Variants in FBXW11 observed in about 807,000 individuals in gnomAD.
FBXW11 encodes the protein F-box and WD repeat domain containing 11.
In FBXW11, 19 loss-of-function variants were observed where a neutral mutation model predicts 77.6. That is an observed-to-expected ratio of 0.24 (90% CI 0.17 to 0.36). The LOEUF is 0.36. Among genes scored for constraint, FBXW11 ranks in the 10% least tolerant of loss-of-function variants. FBXW11 has a pLI of 1.00. For synonymous variants in FBXW11, 235 were observed against 249.4 expected, an observed-to-expected ratio of 0.94 and a Z score of 0.54; for missense variants, 334 against 704.2, an observed-to-expected ratio of 0.47 and a Z score of 5.95.
In FBXW11 at chr5:171,863,025, A is replaced by G. The variant is rs1453109786; in HGVS notation, c.*1102T>C. 3 of 152,334 alleles carry G rather than the reference A, an allele frequency of 2.0e-5. No homozygotes were observed. The highest frequency in any genetic ancestry group is 4.4e-5 in the Non-Finnish European group (3 of 68,046). 9.4% of individuals were successfully genotyped at this position (152,334 alleles called of 1,614,324 possible). ...CTCAGGAGTACTTATGAGAAAAAGAATAAGAACAAAAAATGTTTAAGGTAC... is the reference window on the plus strand; with the variant it reads ...CTCAGGAGTACTTATGAGAAAAAGAGTAAGAACAAAAAATGTTTAAGGTAC... On this transcript the variant is annotated 3_prime_UTR_variant, in exon 14 of 14. Transcript: ENST00000517395.
At chr5:171,897,511 T>G (rs1457240315) in intron 6 of FBXW11, among the ~76,000 whole-genome samples, 2 of 152,140 alleles carry the variant, frequency 1.3e-5, no homozygotes, top group Admixed American at 6.5e-5. Context: ...CCTGAAGAAG[T>G]GATGATGGCA....
intron 13 of FBXW11, 87 bp from the exon 14 acceptor site, chr5:171,864,188 C>T (rs1757241569): frequency 6.6e-6 from 1 of 152,244 alleles, no homozygotes. Flanking sequence ...ACCCCCTGCA[C>T]ACAGCTACAT....
intron 1 of FBXW11, among the ~76,000 whole-genome samples, chr5:172,000,760 T>C (rs1443701737): frequency 6.6e-6 from 1 of 152,210 alleles, no homozygotes; most frequent in African/African-American, 2.4e-5. Context: ...TTCTTATTTA[T>C]TTTTACATAT....
intron 1 of FBXW11, among the ~76,000 whole-genome samples, chr5:171,984,686 T>C (rs975068109): frequency 4.6e-5 from 7 of 152,224 alleles, no homozygotes; most frequent in African/African-American, 1.7e-4. Context: ...GAAAATTAAA[T>C]ACATGCAGCA....
At chr5:171,916,248 AAAT>A (rs1362834049) in intron 2 of FBXW11, among the ~76,000 whole-genome samples, 1 of 80,586 alleles carries the variant, frequency 1.2e-5, no homozygotes, top group Non-Finnish European at 3.0e-5. Flanking sequence ...TTTAAAAAAA[AAAT>A]GAGAAAAAAA....
chr5:171,978,826 A>T (rs1279854800), intron 1 of FBXW11, among the ~76,000 whole-genome samples: 9 of 152,330 alleles, frequency 5.9e-5, no homozygotes, highest in African/African-American at 2.2e-4. Flanking sequence ...AGCTAATTTT[A>T]ACACTTCTCT....
rs1368540895 is a variant in FBXW11, at chr5:171,862,612, T to C, written c.*1515A>G. Reference sequence around the variant, plus strand: ...GAGTGCCAATTGGATGCCAACGTCCTTTCCATGCACTGTCAGGGCAACAGT... The same window carrying C: ...GAGTGCCAATTGGATGCCAACGTCCCTTCCATGCACTGTCAGGGCAACAGT... On this transcript the variant is annotated 3_prime_UTR_variant, in exon 14 of 14. Coordinates refer to ENST00000517395, the MANE Select transcript of FBXW11 (RefSeq NM_001378974.1). 6.5e-6 allele frequency: 1 copy of C among 152,698 alleles called. No individual in the cohort carries two copies. The allele number at this position is 152,698 out of a possible 1,614,324, so 9.5% of individuals were successfully genotyped here.
At chr5:171,946,073 C>A (rs2113216601) in intron 2 of FBXW11, among the ~76,000 whole-genome samples, 1 of 152,206 alleles carries the variant, frequency 6.6e-6, no homozygotes, top group Admixed American at 6.5e-5. Context: ...TGTAGGTAAG[C>A]CTCATCCAGT....
intron 4 of FBXW11, among the ~76,000 whole-genome samples, chr5:171,903,820 T>A (rs563436621): frequency 1.7e-3 from 256 of 151,752 alleles, no homozygotes; most frequent in African/African-American, 2.1e-3. Context: ...TAATTTTTTT[T>A]AAAAAAAATT....
intron 2 of FBXW11, among the ~76,000 whole-genome samples, chr5:171,936,539 A>G (rs914224499): frequency 2.6e-5 from 4 of 151,826 alleles, no homozygotes; most frequent in Non-Finnish European, 5.9e-5. Context: ...CATTACAAAA[A>G]TTATAATTAA....
intron 7 of FBXW11, among the ~76,000 whole-genome samples, chr5:171,884,151 CAGA>C (rs1758720800): frequency 6.6e-6 from 1 of 152,152 alleles, no homozygotes; most frequent in Non-Finnish European, 1.5e-5. Flanking sequence ...TGTTATCTCC[CAGA>C]ATTTTTCTAG....
intron 3 of FBXW11, among the ~76,000 whole-genome samples, chr5:171,913,834 C>CACATACACACAT (rs59694449): frequency 7.2e-6 from 1 of 138,100 alleles, no homozygotes; most frequent in African/African-American, 2.7e-5. Flanking sequence ...CACACACACA[C>CACATACACACAT]ACACACACAC....
chr5:171,958,232 G>C (rs1581253884), intron 1 of FBXW11, among the ~76,000 whole-genome samples: 1 of 152,308 alleles, frequency 6.6e-6, no homozygotes, highest in Admixed American at 6.5e-5. Context: ...GGGAGAGCCA[G>C]AATTTCAAAC....
chr5:171,996,838 C>A (rs1766084531), intron 1 of FBXW11: 1 of 1,185,542 alleles, frequency 8.4e-7, no homozygotes, highest in Non-Finnish European at 1.1e-6. Flanking sequence ...TTCAAAATTT[C>A]TTTCAGCGAG....
chr5:171,947,528 C>T (rs1763076116), intron 2 of FBXW11, among the ~76,000 whole-genome samples: 2 of 151,328 alleles, frequency 1.3e-5, no homozygotes, highest in Non-Finnish European at 2.9e-5. Flanking sequence ...TAGGGAGGCC[C>T]CATCTCAATT....
At chr5:171,925,534 G>A (rs1421764088) in intron 2 of FBXW11, among the ~76,000 whole-genome samples, 1 of 152,166 alleles carries the variant, frequency 6.6e-6, no homozygotes, top group Non-Finnish European at 1.5e-5. Context: ...AGGCTATAGT[G>A]CAGTGGCATG....
rs767174324 is a variant in FBXW11, at chr5:172,006,445, G to A, written c.45+13C>T. 12 of 1,550,826 alleles carry A rather than the reference G, an allele frequency of 7.7e-6. No individual in the cohort carries two copies. The African/African-American group carries it at 1.3e-4, about 17-fold the overall frequency. On this transcript the variant is annotated intron_variant, in intron 1 of 13. Coordinates refer to ENST00000517395, the MANE Select transcript of FBXW11 (RefSeq NM_001378974.1). ...CGGACGGAAGCACAGACGGTCCAGC[G>A]GGCCGCACTCACCATGAGCTCGATG... is the stretch of plus-strand genomic sequence containing the variant.
chr5:171,873,036 T>G (rs201900468), intron 9 of FBXW11, 46 bp from the exon 10 acceptor site: 1 of 1,470,844 alleles, frequency 6.8e-7, no homozygotes, highest in Non-Finnish European at 9.5e-7. Flanking sequence ...CACAGGAAAG[T>G]CCTCTCACAA....
At chr5:171,944,925 T>G (rs1340755851) in intron 2 of FBXW11, among the ~76,000 whole-genome samples, 1 of 152,202 alleles carries the variant, frequency 6.6e-6, no homozygotes, top group African/African-American at 2.4e-5. Flanking sequence ...TCCTTCACAT[T>G]CCAGCTTATT....
Sources: gnomAD v4.1 joint callset for allele counts (sites outside exome capture counted in the v4.1 genomes callset) on GRCh38, gnomAD v4.1.1 for gene constraint, MANE v1.5 for transcripts, NCBI Gene and HGNC (gene_info 2026-07-23, HGNC 2026-07-21) for gene names.